Variants in ATXN10 observed in about 807,000 individuals in gnomAD.
The protein encoded by ATXN10 is ataxin 10.
Under a neutral mutation model 52.9 loss-of-function variants are expected in ATXN10, and 28 were observed. The observed-to-expected ratio is 0.53, with a 90% CI of 0.39 to 0.73. The LOEUF (loss-of-function observed/expected upper bound fraction) is 0.73. Among genes scored for constraint, ATXN10 ranks in the 30% least tolerant of loss-of-function variants. ATXN10 has a pLI of 0.00. For missense variants in ATXN10, 565 were observed against 577.0 expected (o/e 0.98, Z 0.21); for synonymous variants, 226 against 221.5 (o/e 1.02, Z -0.18).
intron 9 of ATXN10, among the ~76,000 whole-genome samples, chr22:45,751,100 A>C (rs1008562699): frequency 6.6e-6 from 1 of 150,968 alleles, no homozygotes; most frequent in East Asian, 1.9e-4. Context: ...CTGGCTAATT[A>C]TTGTATTTTT....
intron 1 of ATXN10, chr22:45,675,247 C>T (rs1027193985): frequency 6.6e-6 from 1 of 152,178 alleles, no homozygotes; most frequent in Non-Finnish European, 1.5e-5. Flanking sequence ...AAGGGGATCT[C>T]AGGATCTCAT....
In ATXN10 at chr22:45,793,352, G is replaced by A. The variant is rs145748335; in HGVS notation, c.1174-13607G>A. 1,632 of 215,320 alleles carry A rather than the reference G, an allele frequency of 7.6e-3. 14 individuals are homozygous for A. Among genetic ancestry groups the A allele is most frequent in the South Asian group, 0.021 (118 of 5,618 alleles). 13.3% of individuals were successfully genotyped at this position (215,320 alleles called of 1,614,324 possible). ...TTAAAAATTGTCTTCACGAAGCCTG[G>A]CAGTAATTGTTCTGTGCTTTTCTGC... On this transcript the variant is annotated intron_variant, in intron 9 of 11. Coordinates refer to ENST00000252934, the MANE Select transcript of ATXN10 (RefSeq NM_013236.4).
Position 45,805,829 on chromosome 22 carries a change from T to C in ATXN10, c.1174-1130T>C, listed in dbSNP as rs1390964065. 6.6e-6 allele frequency among the ~76,000 whole-genome samples: 1 copy of C among 152,162 alleles called. No individual in the cohort carries two copies. The highest frequency in any genetic ancestry group is 1.5e-5 in the Non-Finnish European group (1 of 68,030). ...CTGAAAACCACCAAATTGCACACTTTAAAAGTGTGAATTTTATAGTTTGTG... is the reference window on the plus strand; with the variant it reads ...CTGAAAACCACCAAATTGCACACTTCAAAAGTGTGAATTTTATAGTTTGTG... On this transcript the variant is annotated intron_variant, in intron 9 of 11. Transcript: ENST00000252934. This position sits in a 1 kb window ranked among gnomAD's most constrained non-coding sequence, Gnocchi z 4.4.
At position 45,744,185 on chromosome 22, in the gene ATXN10, C is replaced by T. The variant is rs942016067; in HGVS notation, c.1173+3647C>T. Among the ~76,000 whole-genome samples the T allele has an allele frequency of 1.3e-5, 2 of 152,222 alleles. No homozygotes were observed. Among genetic ancestry groups the T allele is most frequent in the East Asian group, 1.9e-4 (1 of 5,194 alleles). On this transcript the variant is annotated intron_variant, in intron 9 of 11. Coordinates refer to ENST00000252934, the MANE Select transcript of ATXN10 (RefSeq NM_013236.4). The surrounding 1 kb of genome is among the most constrained non-coding windows in gnomAD (Gnocchi z 4.9). ...TGTGGAGCTTCCATTCTGGCATCAT[C>T]TGGGGACCATGCTTGCCTCTTTGAA... is the stretch of plus-strand genomic sequence containing the variant.
intron 6 of ATXN10, among the ~76,000 whole-genome samples, chr22:45,719,234 C>G (rs954468848): frequency 2.0e-5 from 3 of 152,170 alleles, no homozygotes; most frequent in African/African-American, 7.2e-5. Context: ...AACTACAGAT[C>G]TAGTGATGAA....
In ATXN10 at chr22:45,719,091, G is replaced by A. The variant is rs565376365; in HGVS notation, c.728+598G>A. 2.0e-5 allele frequency among the ~76,000 whole-genome samples: 3 copies of A among 151,788 alleles called. No homozygotes were observed. In the South Asian group the frequency reaches 6.2e-4, roughly 32 times the overall value. ...CCTAAACCTCTATGGTAAGGTACAA[G>A]GGATTCAGTTTCTTGACCTGTAAAT... On this transcript the variant is annotated intron_variant, in intron 6 of 11. Transcript: ENST00000252934.
At chr22:45,726,712 G>A (rs1924884927) in intron 6 of ATXN10, among the ~76,000 whole-genome samples, 2 of 152,126 alleles carry the variant, frequency 1.3e-5, no homozygotes, top group Admixed American at 6.5e-5. Flanking sequence ...TCTTGAGACA[G>A]GGTCGTGCTG....
At chr22:45,834,030 G>A (rs533278325) in intron 10 of ATXN10, among the ~76,000 whole-genome samples, 1 of 152,312 alleles carries the variant, frequency 6.6e-6, no homozygotes, top group African/African-American at 2.4e-5. Flanking sequence ...AGTTTGTGAG[G>A]ATTGAATGCT....
chr22:45,764,484 C>G (rs1926515590), intron 9 of ATXN10, among the ~76,000 whole-genome samples: 1 of 152,170 alleles, frequency 6.6e-6, no homozygotes, highest in Non-Finnish European at 1.5e-5. Flanking sequence ...TTTGTTTGGC[C>G]TCATCCTTTC....
At chr22:45,726,956 C>T (rs940908749) in intron 6 of ATXN10, among the ~76,000 whole-genome samples, 8 of 152,192 alleles carry the variant, frequency 5.3e-5, no homozygotes, top group African/African-American at 1.7e-4. Context: ...GTTGGGATTA[C>T]AGTTGTAAGC....
chr22:45,732,235 C>CTT lies in ATXN10; in HGVS notation c.894+2646_894+2647dup, dbSNP rs1417513786. On this transcript the variant is annotated intron_variant, in intron 7 of 11. Coordinates refer to ENST00000252934, the MANE Select transcript of ATXN10 (RefSeq NM_013236.4). This position sits in a 1 kb window ranked among gnomAD's most constrained non-coding sequence, Gnocchi z 4.5. ...GGGACGCCAAGGCGTGGGAGGATTG[C>CTT]TTAAGCCCAGGAGTTGGAGACCAGC... Among the ~76,000 whole-genome samples the CTT allele has an allele frequency of 6.6e-6, 1 of 152,046 alleles. No homozygotes were observed. Among genetic ancestry groups the CTT allele is most frequent in the Non-Finnish European group, 1.5e-5 (1 of 68,016 alleles).
chr22:45,740,758 ATATATATATG>A, intron 9 of ATXN10: 2 of 288,354 alleles, frequency 6.9e-6, no homozygotes, highest in Non-Finnish European at 1.2e-5. Flanking sequence ...GTGTGTGTAT[ATATATATATG>A]TATATGTTAA....
rs1247233521 is a variant in ATXN10 at position 45,840,858 on chromosome 22, G to C, written c.1238-2133G>C. Among the ~76,000 whole-genome samples, 1 of 152,180 alleles carries C rather than the reference G, an allele frequency of 6.6e-6. No individual in the cohort carries two copies. Among genetic ancestry groups the C allele is most frequent in the African/African-American group, 2.4e-5 (1 of 41,442 alleles). On this transcript the variant is annotated intron_variant, in intron 10 of 11. Transcript: ENST00000252934. This position sits in a 1 kb window ranked among gnomAD's most constrained non-coding sequence, Gnocchi z 5.8. ...TATGCTTCTTTCATTTACCATTAGA[G>C]AGTTATACTCATGAACAAAAATTCC...
At chr22:45,699,565 A>G (rs1044256171) in intron 3 of ATXN10, among the ~76,000 whole-genome samples, 1 of 130,746 alleles carries the variant, frequency 7.6e-6, no homozygotes, top group Admixed American at 9.6e-5. Flanking sequence ...ATCTTGGCTC[A>G]CTGGAACCTC....
intron 5 of ATXN10, among the ~76,000 whole-genome samples, chr22:45,707,661 A>G (rs1924093969): frequency 6.7e-6 from 1 of 149,610 alleles, no homozygotes; most frequent in Admixed American, 6.7e-5. Context: ...ATATAATATA[A>G]TATAATATAT....
intron 9 of ATXN10, among the ~76,000 whole-genome samples, chr22:45,776,800 G>A (rs1369322579): frequency 6.6e-6 from 1 of 152,172 alleles, no homozygotes; most frequent in East Asian, 1.9e-4. Context: ...AACTGCTGCT[G>A]CCAGTTTTTT....
intron 9 of ATXN10, among the ~76,000 whole-genome samples, chr22:45,742,884 G>A (rs1364936118): frequency 6.6e-6 from 1 of 152,178 alleles, no homozygotes. Flanking sequence ...AGTTGATAGC[G>A]AATAAAGCAC....
chr22:45,794,462 G>A (rs923407810), intron 9 of ATXN10, among the ~76,000 whole-genome samples: 78 of 149,016 alleles, frequency 5.2e-4, no homozygotes, highest in Admixed American at 2.5e-3. Context: ...AAAAAAAAAA[G>A]GATGTCTCTT....
Position 45,684,613 on chromosome 22 carries a change from C to G in ATXN10, c.117-5099C>G, listed in dbSNP as rs1261263721. 1.3e-5 allele frequency among the ~76,000 whole-genome samples: 2 copies of G among 152,144 alleles called. No homozygotes were observed. The highest frequency in any genetic ancestry group is 4.8e-5 in the African/African-American group (2 of 41,408). On this transcript the variant is annotated intron_variant, in intron 1 of 11. Transcript: ENST00000252934. The surrounding 1 kb of genome is among the most constrained non-coding windows in gnomAD (Gnocchi z 4.1). ...TGTTTCCTGTGGCTGCGTTTGTGCA[C>G]TGGGGGAGTTGAGAGTGTGACAGAG...
Sources: gnomAD v4.1 joint callset for allele counts (sites outside exome capture counted in the v4.1 genomes callset) on GRCh38, gnomAD v4.1.1 for gene constraint, Gnocchi (gnomAD v3.1) non-coding constraint, MANE v1.5 for transcripts, NCBI Gene and HGNC (gene_info 2026-07-23, HGNC 2026-07-21) for gene names.